The following PATJ variants were observed in gnomAD, a reference collection of about 807,000 sequenced individuals.
PATJ encodes the protein inaD-like protein.
Under a neutral mutation model 224.9 loss-of-function variants are expected in PATJ, and 190 were observed. The ratio of observed to expected loss-of-function variants is 0.84; its 90% CI spans 0.75 to 0.95. The LOEUF is 0.95. Ranked by LOEUF, PATJ falls within the 40% of genes least tolerant of loss-of-function variation. PATJ has a pLI of 0.00. For synonymous variants in PATJ, 769 were observed against 820.3 expected (o/e 0.94, Z 1.07); for missense variants, 2,121 against 2,270.3 (o/e 0.93, Z 1.34).
At chr1:62,052,581 A>G (rs1038451438) in intron 31 of PATJ, among the ~76,000 whole-genome samples, 1 of 152,098 alleles carries the variant, frequency 6.6e-6, no homozygotes, top group African/African-American at 2.4e-5. Context: ...GTCTCTACTG[A>G]AAATACAAAA....
At position 62,056,486 on chromosome 1, in the gene PATJ, C is replaced by T. The variant is rs1306066257; in HGVS notation, c.4125+5428C>T. On this transcript the variant is annotated intron_variant, in intron 31 of 43. Coordinates refer to ENST00000642238, the MANE Select transcript of PATJ (RefSeq NM_001350145.3). ...GAGGCTGCAGTGAGCTATGACCACG[C>T]CCCTGCACCCCAGCCTGGGTGACAG... Among the ~76,000 whole-genome samples, 3 of 152,042 alleles carry T rather than the reference C, an allele frequency of 2.0e-5. No individual in the cohort carries two copies. In the East Asian group the frequency reaches 5.8e-4, roughly 29 times the overall value.
intron 31 of PATJ, among the ~76,000 whole-genome samples, chr1:62,060,939 A>G (rs911716122): frequency 2.0e-5 from 3 of 152,102 alleles, no homozygotes; most frequent in Non-Finnish European, 2.9e-5. Context: ...GGGTTTACCC[A>G]CCTTGGCCTC....
At position 61,898,755 on chromosome 1, in the gene PATJ, C is replaced by T. The variant is rs77512905; in HGVS notation, c.3132-828C>T. The stretch of plus-strand genomic sequence containing the variant: ...GCATTAATCTGATAACCAAATACTC[C>T]GTAACTCAGCATTTTACGTTATCCA... On this transcript the variant is annotated intron_variant, in intron 22 of 43. Transcript: ENST00000642238. 9.8e-3 allele frequency among the ~76,000 whole-genome samples: 1,495 copies of T among 152,254 alleles called. 28 individuals carry two copies. The highest frequency in any genetic ancestry group is 0.034 in the African/African-American group (1,430 of 41,526).
chr1:61,755,078 C>T (rs1315800082), intron 1 of PATJ, among the ~76,000 whole-genome samples: 7 of 151,762 alleles, frequency 4.6e-5, no homozygotes, highest in Admixed American at 1.3e-4. Flanking sequence ...GAGGCCGAGG[C>T]GGGTTGGTCA....
At chr1:61,899,751 A>T (rs1670864572) in intron 23 of PATJ, 97 bp downstream of exon 23, 1 of 747,074 alleles carries the variant, frequency 1.3e-6, no homozygotes, top group Admixed American at 2.9e-5. Flanking sequence ...TACTCTAATG[A>T]TTGAGAATTG....
chr1:61,907,197 T>A (rs1671976353), intron 24 of PATJ, among the ~76,000 whole-genome samples: 1 of 152,202 alleles, frequency 6.6e-6, no homozygotes. Context: ...CTTTATAAAT[T>A]ACCTAGTCTT....
intron 33 of PATJ, among the ~76,000 whole-genome samples, chr1:62,101,259 CTTTT>C (rs916854253): frequency 8.2e-6 from 1 of 122,650 alleles, no homozygotes; most frequent in Non-Finnish European, 1.7e-5. Flanking sequence ...CTTTTCTTTT[CTTTT>C]TTTTTTTTTT....
rs370026751 is a variant in PATJ, at chr1:61,992,092, A to G, written c.3867+1728A>G. On this transcript the variant is annotated intron_variant, in intron 28 of 43. Transcript: ENST00000642238. ...CCAAGACCCGTGTTACAGCCACTAA[A>G]GTATACTATGTTCCCTGTGGGATTC... is the stretch of plus-strand genomic sequence containing the variant. Among the ~76,000 whole-genome samples the G allele has an allele frequency of 2.0e-5, 3 of 151,758 alleles. 1 individual carries two copies. Among genetic ancestry groups the G allele is most frequent in the African/African-American group, 7.3e-5 (3 of 41,352 alleles).
At chr1:61,931,923 C>CTG (rs988229109) in intron 27 of PATJ, among the ~76,000 whole-genome samples, 1 of 152,158 alleles carries the variant, frequency 6.6e-6, no homozygotes. Context: ...GTATGTAAAA[C>CTG]TGAAACAAAA....
intron 33 of PATJ, 37 bp from the exon 34 acceptor site, chr1:62,108,400 T>C (rs1383595843): frequency 3.8e-6 from 5 of 1,321,514 alleles, no homozygotes; most frequent in Non-Finnish European, 5.4e-6. Context: ...GAAGCATTTG[T>C]GGTTGTTGAA....
At chr1:61,793,714 T>G (rs1650383229) in intron 9 of PATJ, among the ~76,000 whole-genome samples, 1 of 143,356 alleles carries the variant, frequency 7.0e-6, no homozygotes, top group Admixed American at 7.1e-5. Flanking sequence ...CAGAGCCAGA[T>G]CCTGTTTCAA....
chr1:61,961,914 A>G (rs1681345235), intron 27 of PATJ, among the ~76,000 whole-genome samples: 1 of 150,618 alleles, frequency 6.6e-6, no homozygotes, highest in Non-Finnish European at 1.5e-5. Flanking sequence ...GGTTGCAGTG[A>G]GCCGAGATCA....
chr1:61,752,757 G>A (rs998090238), intron 1 of PATJ, among the ~76,000 whole-genome samples: 1 of 152,196 alleles, frequency 6.6e-6, no homozygotes, highest in Non-Finnish European at 1.5e-5. Context: ...ACTGTCAGGA[G>A]GATTTAAACA....
At chr1:62,092,707 C>T (rs1660913777) in intron 33 of PATJ, among the ~76,000 whole-genome samples, 1 of 148,428 alleles carries the variant, frequency 6.7e-6, no homozygotes. Flanking sequence ...TGAGCCACTG[C>T]ACCTGGCAAG....
intron 22 of PATJ, among the ~76,000 whole-genome samples, chr1:61,895,376 C>T (rs1045234023): frequency 6.6e-6 from 1 of 152,224 alleles, no homozygotes; most frequent in Admixed American, 6.5e-5. Context: ...GTCCCAGAGG[C>T]CTAGGAGTGA....
intron 43 of PATJ, among the ~76,000 whole-genome samples, chr1:62,159,341 G>A (rs1471197109): frequency 4.6e-5 from 7 of 151,934 alleles, no homozygotes; most frequent in Non-Finnish European, 7.4e-5. Flanking sequence ...ACAGGCATGC[G>A]CCATCACATC....
intron 31 of PATJ, among the ~76,000 whole-genome samples, chr1:62,055,452 G>A (rs1485885311): frequency 1.3e-5 from 2 of 152,128 alleles, no homozygotes; most frequent in African/African-American, 2.4e-5. Flanking sequence ...TCCTGGTTCC[G>A]CTATTCGCTA....
Position 62,102,491 on chromosome 1 carries a change from A to T in PATJ, c.4378-5946A>T, listed in dbSNP as rs372797435. On this transcript the variant is annotated intron_variant, in intron 33 of 43. Coordinates refer to ENST00000642238, the MANE Select transcript of PATJ (RefSeq NM_001350145.3). ...GTATTTGTCTTAGAAAAAAATCATT[A>T]AGTGAATAATATAGGTGCACAGAAA... Among the ~76,000 whole-genome samples, 4 of 152,166 alleles carry T rather than the reference A, an allele frequency of 2.6e-5. No individual in the cohort carries two copies. In the East Asian group the frequency reaches 7.7e-4, roughly 29 times the overall value.
chr1:61,747,582 C>T (rs548483756), intron 1 of PATJ, among the ~76,000 whole-genome samples: 43 of 152,242 alleles, frequency 2.8e-4, no homozygotes, highest in Middle Eastern at 6.8e-3. Context: ...TGTTTAATTC[C>T]GGTAAAATTA....
Sources: gnomAD v4.1 joint callset for allele counts (sites outside exome capture counted in the v4.1 genomes callset) on GRCh38, gnomAD v4.1.1 for gene constraint, MANE v1.5 for transcripts, NCBI Gene and HGNC (gene_info 2026-07-23, HGNC 2026-07-21) for gene names.